The following DLC1 variants were observed in gnomAD, a reference collection of about 807,000 sequenced individuals.
DLC1 encodes the protein rho GTPase-activating protein 7.
DLC1 carries 54 observed loss-of-function variants against 140.3 expected under a neutral mutation model. The observed-to-expected ratio is 0.38, with a 90% CI of 0.31 to 0.48. The LOEUF (loss-of-function observed/expected upper bound fraction) is 0.48. DLC1 is among the 20% of genes least tolerant of loss of function. The pLI is 0.96. For synonymous variants in DLC1, 986 were observed against 728.1 expected, an observed-to-expected ratio of 1.35 and a Z score of -5.70; for missense variants, 2,536 against 1,907.0, an observed-to-expected ratio of 1.33 and a Z score of -6.14.
chr8:13,395,366 C>G (rs1464308173), intron 3 of DLC1, among the ~76,000 whole-genome samples: 1 of 152,124 alleles, frequency 6.6e-6, no homozygotes, highest in African/African-American at 2.4e-5. Flanking sequence ...CGTGATCCAC[C>G]CGCCTTGGCC....
intron 14 of DLC1, among the ~76,000 whole-genome samples, chr8:13,090,759 G>A (rs1452235019): frequency 1.3e-5 from 2 of 152,002 alleles, no homozygotes; most frequent in East Asian, 1.9e-4. Context: ...TACGGAAGTG[G>A]ATACAGCAGT....
intron 1 of DLC1, among the ~76,000 whole-genome samples, chr8:13,563,793 T>C (rs1412305900): frequency 1.3e-5 from 2 of 152,144 alleles, no homozygotes; most frequent in Admixed American, 1.3e-4. Flanking sequence ...AAACTAGAAA[T>C]ACCTTGCATC....
At position 13,545,898 on chromosome 8, in the gene DLC1, C is replaced by G. The variant is rs146574267; in HGVS notation, c.-125-45702G>C. 2.1e-3 allele frequency among the ~76,000 whole-genome samples: 324 copies of G among 152,150 alleles called. 2 individuals carry two copies. The highest frequency in any genetic ancestry group is 7.5e-3 in the African/African-American group (312 of 41,532). On this transcript the variant is annotated intron_variant, in intron 1 of 1. Transcript: ENST00000631382. ...ATGCATAAAACGGTAAGAAGCCTAT[C>G]ACGTTAAAAATTAACTATTTTTGCA...
At chr8:13,587,539 G>T (rs935812306) in intron 1 of DLC1, among the ~76,000 whole-genome samples, 11 of 143,562 alleles carry the variant, frequency 7.7e-5, no homozygotes, top group Admixed American at 4.3e-4. Flanking sequence ...GCACAAATGT[G>T]ACTATACACA....
At chr8:13,406,380 G>A (rs1402564511) in intron 2 of DLC1, among the ~76,000 whole-genome samples, 1 of 151,896 alleles carries the variant, frequency 6.6e-6, no homozygotes, top group Non-Finnish European at 1.5e-5. Context: ...ACCACTATGT[G>A]CTGTACACTG....
chr8:13,150,071 T>A (rs1823697972), intron 5 of DLC1, among the ~76,000 whole-genome samples: 1 of 152,222 alleles, frequency 6.6e-6, no homozygotes, highest in Non-Finnish European at 1.5e-5. Flanking sequence ...ACCACTTGAA[T>A]GTCTTTTGTG....
chr8:13,592,170 G>A (rs1805536317), intron 1 of DLC1, among the ~76,000 whole-genome samples: 1 of 151,982 alleles, frequency 6.6e-6, no homozygotes, highest in Non-Finnish European at 1.5e-5. Context: ...GCTTTATTGG[G>A]CAAATGGTAA....
Position 13,085,901 on chromosome 8 carries a change from A to G in DLC1, c.4497T>C (p.Ser1499=), listed in dbSNP as rs764298744. 6.2e-7 allele frequency: 1 copy of G among 1,614,196 alleles called. No individual in the cohort carries two copies. Among genetic ancestry groups the G allele is most frequent in the Non-Finnish European group, 8.5e-7 (1 of 1,180,034 alleles). ...RGHMPEWYTK[S]FGHLCAAEVV... is the part of the protein sequence containing the mutation. ...CTTCAGCTGCACACAAATGTCCAAA[A>G]GATTTTGTGTACCATTCTGGCATGT... The change falls in exon 18 of 18, where the codon TCT becomes TCC. Residue 1499 remains serine (S), a synonymous_variant. Transcript: ENST00000276297.
intron 1 of DLC1, among the ~76,000 whole-genome samples, chr8:13,572,457 T>G (rs932558521): frequency 6.6e-6 from 1 of 152,210 alleles, no homozygotes; most frequent in Non-Finnish European, 1.5e-5. Flanking sequence ...CTTGATAGTG[T>G]CTTTTTATAC....
intron 2 of DLC1, among the ~76,000 whole-genome samples, chr8:13,476,470 G>GT (rs10671750): frequency 6.6e-6 from 1 of 150,816 alleles, no homozygotes; most frequent in African/African-American, 2.4e-5. Flanking sequence ...ACAGTGCAGT[G>GT]TTTTTTTTTT....
intron 5 of DLC1, among the ~76,000 whole-genome samples, chr8:13,218,983 T>TATATAATTATATACGA (rs1229576394): frequency 3.0e-5 from 1 of 33,624 alleles, no homozygotes; most frequent in African/African-American, 2.1e-4. Context: ...CGTATATAAC[T>TATATAATTATATACGA]ATATAATTAT....
chr8:13,350,281 C>T (rs764674921), intron 4 of DLC1, among the ~76,000 whole-genome samples: 41 of 152,044 alleles, frequency 2.7e-4, no homozygotes, highest in Non-Finnish European at 5.4e-4. Context: ...TAGCGTTCTT[C>T]CATAACACCT....
chr8:13,400,293 T>G (rs1837236901), intron 3 of DLC1, among the ~76,000 whole-genome samples: 1 of 152,178 alleles, frequency 6.6e-6, no homozygotes, highest in African/African-American at 2.4e-5. Context: ...CGTGCGGTAC[T>G]TCTTATATAC....
chr8:13,523,124 T>A (rs534268090), intron 1 of DLC1, among the ~76,000 whole-genome samples: 4 of 152,182 alleles, frequency 2.6e-5, no homozygotes, highest in African/African-American at 9.7e-5. Context: ...CAAGATCTAC[T>A]TTACATTTTA....
chr8:13,596,202 A>G (rs570954346), intron 1 of DLC1, among the ~76,000 whole-genome samples: 1 of 152,004 alleles, frequency 6.6e-6, no homozygotes, highest in Non-Finnish European at 1.5e-5. Flanking sequence ...TCTTAGCACC[A>G]AATTTTGTTC....
At chr8:13,553,309 A>G (rs78943719) in intron 1 of DLC1, among the ~76,000 whole-genome samples, 1 of 141,030 alleles carries the variant, frequency 7.1e-6, no homozygotes, top group East Asian at 2.2e-4. Context: ...TATAAGGCCA[A>G]TTTCTCCATG....
At chr8:13,493,215 G>C (rs1379953144) in intron 2 of DLC1, among the ~76,000 whole-genome samples, 2 of 152,120 alleles carry the variant, frequency 1.3e-5, no homozygotes, top group Non-Finnish European at 2.9e-5. Context: ...CTGTTATTAT[G>C]AATTTATCTG....
intron 2 of DLC1, among the ~76,000 whole-genome samples, chr8:13,459,293 G>A (rs886222077): frequency 5.9e-5 from 9 of 151,838 alleles, no homozygotes; most frequent in Non-Finnish European, 1.0e-4. Context: ...TCTTTCTCTG[G>A]GACAGGAAGT....
chr8:13,334,679 A>G (rs1012244294), intron 4 of DLC1, among the ~76,000 whole-genome samples: 1 of 152,200 alleles, frequency 6.6e-6, no homozygotes, highest in African/African-American at 2.4e-5. Flanking sequence ...TGAAGAAAAG[A>G]GAAGAATCAA....
Sources: gnomAD v4.1 joint callset for allele counts (sites outside exome capture counted in the v4.1 genomes callset) on GRCh38, gnomAD v4.1.1 for gene constraint, MANE v1.5 for transcripts, NCBI Gene and HGNC (gene_info 2026-07-23, HGNC 2026-07-21) for gene names.